The following INTS10 variants were observed in gnomAD, a reference collection of about 807,000 sequenced individuals.
The protein encoded by INTS10 is chromosome 8 open reading frame 35.
Under a neutral mutation model 94.4 loss-of-function variants are expected in INTS10, and 44 were observed. The ratio of observed to expected loss-of-function variants is 0.47; its 90% CI spans 0.37 to 0.60. The LOEUF (loss-of-function observed/expected upper bound fraction) is 0.60. Ranked by LOEUF, INTS10 falls within the 20% of genes least tolerant of loss-of-function variation. INTS10 has a pLI of 0.00. For synonymous variants in INTS10, 341 were observed against 320.7 expected, an observed-to-expected ratio of 1.06 and a Z score of -0.68; for missense variants, 797 against 868.7, an observed-to-expected ratio of 0.92 and a Z score of 1.04.
rs772740290 is a variant in INTS10, at chr8:19,818,349, G to T, written c.197+7G>T. Reference sequence around the variant, plus strand: ...GGAGGCTGCTGTACGACATGTGAGTGGGACGCTTGACATCACTTTTACTGC... The same window carrying T: ...GGAGGCTGCTGTACGACATGTGAGTTGGACGCTTGACATCACTTTTACTGC... On this transcript the variant is annotated splice_region_variant and intron_variant, in intron 2 of 16. Transcript: ENST00000397977. 12 of 1,613,902 alleles carry T rather than the reference G, an allele frequency of 7.4e-6. No homozygotes were observed. The South Asian group carries it at 1.3e-4, about 18-fold the overall frequency.
chr8:19,823,342 C>G lies in INTS10; in HGVS notation c.565C>G (p.Arg189Gly). 6.2e-7 allele frequency: 1 copy of G among 1,605,016 alleles called. No homozygotes were observed. Among genetic ancestry groups the G allele is most frequent in the Non-Finnish European group, 8.5e-7 (1 of 1,171,860 alleles). Residue 189 changes from arginine to glycine, a missense_variant, in exon 6 of 17, where the codon CGA (arginine) becomes GGA (glycine). Arg to Gly is a moderately radical substitution (Grantham distance 125, BLOSUM62 -2). Coordinates refer to ENST00000397977, the MANE Select transcript of INTS10 (RefSeq NM_018142.4). ...TCTAATAATTAACAACCATGATGTTCGATTACCTGCCAATTTATTGTATAA... is the reference window on the plus strand; with the variant it reads ...TCTAATAATTAACAACCATGATGTTGGATTACCTGCCAATTTATTGTATAA... ...LPLIINNHDVRLPANLLYKYL... is the reference protein window; with the variant it reads ...LPLIINNHDVGLPANLLYKYL...
chr8:19,833,341 A>G lies in INTS10; in HGVS notation c.1530+20A>G. The G allele has an allele frequency of 6.6e-7, 1 of 1,516,770 alleles. No homozygotes were observed. Among genetic ancestry groups the G allele is most frequent in the South Asian group, 1.3e-5 (1 of 78,678 alleles). The allele number at this position is 1,516,770 out of a possible 1,614,324, so 94.0% of individuals were successfully genotyped here. On this transcript the variant is annotated intron_variant, in intron 12 of 16. Transcript: ENST00000397977. ...TACAGAGTGAGTACTGCACACATAC[A>G]TGCCTGCCGCAGGTGCACGGGGCCA...
Position 19,820,733 on chromosome 8 carries a change from C to T in INTS10, c.441+215C>T, listed in dbSNP as rs1431656166. Among the ~76,000 whole-genome samples the T allele has an allele frequency of 7.2e-5, 11 of 152,336 alleles. 1 individual carries two copies. Among genetic ancestry groups the T allele is most frequent in the Admixed American group, 2.0e-4 (3 of 15,306 alleles). ...AGAAGCTGTTTTATCAGGAAAATCACCAAGCTCTGACAGTACTGTTTATTG... is the reference window on the plus strand; with the variant it reads ...AGAAGCTGTTTTATCAGGAAAATCATCAAGCTCTGACAGTACTGTTTATTG... On this transcript the variant is annotated intron_variant, in intron 4 of 16. Transcript: ENST00000397977.
intron 8 of INTS10, among the ~76,000 whole-genome samples, chr8:19,826,175 G>C (rs1415721278): frequency 2.0e-5 from 3 of 152,158 alleles, no homozygotes; most frequent in African/African-American, 7.2e-5. Flanking sequence ...CGCCTCCTGG[G>C]TTCAAGCAAT....
At position 19,829,928 on chromosome 8, in the gene INTS10, G is replaced by A. The variant is rs529389627; in HGVS notation, c.1141-478G>A. Among the ~76,000 whole-genome samples, 6 of 152,202 alleles carry A rather than the reference G, an allele frequency of 3.9e-5. No individual in the cohort carries two copies. The South Asian group carries it at 6.2e-4, about 16-fold the overall frequency. On this transcript the variant is annotated intron_variant, in intron 9 of 16. Transcript: ENST00000397977. ...AGTGATCTGTCCTCCTCGGCCTCCC[G>A]AAGTGCTGGGAATATAGGCATAAGC... is the stretch of plus-strand genomic sequence containing the variant.
chr8:19,827,487 C>T lies in INTS10; in HGVS notation c.1140+928C>T, dbSNP rs146173667. Among the ~76,000 whole-genome samples the T allele has an allele frequency of 2.0e-4, 31 of 152,276 alleles. No individual in the cohort carries two copies. In the East Asian group the frequency reaches 3.3e-3, roughly 16 times the overall value. ...CCCTCCTTCACTAGAGTACAAGCTC[C>T]GTGGGGCCTAGCATTTTCTCTGCCT... is the stretch of plus-strand genomic sequence containing the variant. On this transcript the variant is annotated intron_variant, in intron 9 of 16. Coordinates refer to ENST00000397977, the MANE Select transcript of INTS10 (RefSeq NM_018142.4).
In INTS10 at chr8:19,843,323, G is replaced by T. The variant is rs528684651; in HGVS notation, c.1719+396G>T. Among the ~76,000 whole-genome samples, 114 of 152,308 alleles carry T rather than the reference G, an allele frequency of 7.5e-4. No individual in the cohort carries two copies. The highest frequency in any genetic ancestry group is 2.4e-3 in the African/African-American group (100 of 41,576). ...CTAGATTAAGCATGTTAGGTGTTGA[G>T]ATCAACACCAGTAACAGCCCAACAG... On this transcript the variant is annotated intron_variant, in intron 14 of 16. Coordinates refer to ENST00000397977, the MANE Select transcript of INTS10 (RefSeq NM_018142.4). This position sits in a 1 kb window ranked among gnomAD's most constrained non-coding sequence, Gnocchi z 4.7.
intron 4 of INTS10, 34 bp from the exon 5 acceptor site, chr8:19,822,405 A>G (rs764748985): frequency 7.7e-7 from 1 of 1,302,028 alleles, no homozygotes. Context: ...TTATGCTGTA[A>G]CACATTTAAA....
At chr8:19,842,277 A>C (rs1208424410) in intron 13 of INTS10, among the ~76,000 whole-genome samples, 1 of 152,226 alleles carries the variant, frequency 6.6e-6, no homozygotes, top group African/African-American at 2.4e-5. Context: ...AATCTGAACC[A>C]CATGAAGTTG....
intron 16 of INTS10, among the ~76,000 whole-genome samples, chr8:19,848,564 T>C (rs1431911988): frequency 6.6e-6 from 1 of 152,226 alleles, no homozygotes; most frequent in East Asian, 1.9e-4. Flanking sequence ...ACTAAATCTT[T>C]GTTGTTACAG....
chr8:19,845,723 A>G lies in INTS10; in HGVS notation c.1902A>G (p.Glu634=). 1.2e-6 allele frequency: 2 copies of G among 1,613,484 alleles called. No homozygotes were observed. Among genetic ancestry groups the G allele is most frequent in the Non-Finnish European group, 1.7e-6 (2 of 1,179,430 alleles). Residue 634 remains glutamate (E), a synonymous_variant, in exon 16 of 17, where the codon GAA becomes GAG. Coordinates refer to ENST00000397977, the MANE Select transcript of INTS10 (RefSeq NM_018142.4). ...CTGCAGATATTGATATGCTGGAGGA[A>G]TTTGCCTACTTGAGAACTCAGGAAG... ...NYVTNIDMLE[E]FAYLRTQEGG...
At position 19,842,782 on chromosome 8, in the gene INTS10, T is replaced by C. The variant is rs2068234332; in HGVS notation, c.1640-66T>C. 89 of 991,728 alleles carry C rather than the reference T, an allele frequency of 9.0e-5. 2 individuals are homozygous for C. The South Asian group carries it at 1.1e-3, about 12-fold the overall frequency. 61.4% of individuals were successfully genotyped at this position (991,728 alleles called of 1,614,324 possible). A position where few individuals can be genotyped will look rare whatever the true frequency, so the allele number is the denominator to read the frequency against. ...TTGTTAATGAAAGCATCTTAAACAGTTGCCTTTCAAAGCTGTTATCTTTGA... is the reference window on the plus strand; with the variant it reads ...TTGTTAATGAAAGCATCTTAAACAGCTGCCTTTCAAAGCTGTTATCTTTGA... On this transcript the variant is annotated intron_variant, in intron 13 of 16. Coordinates refer to ENST00000397977, the MANE Select transcript of INTS10 (RefSeq NM_018142.4).
intron 7 of INTS10, chr8:19,824,561 T>G (rs1373689871): frequency 4.9e-6 from 2 of 407,896 alleles, no homozygotes; most frequent in Non-Finnish European, 8.6e-6. Context: ...ATGTTGTGTT[T>G]GAACGTCTCC....
In INTS10 at chr8:19,820,423, C is replaced by T. The variant is rs745542064; in HGVS notation, c.346C>T (p.Leu116=). The T allele has an allele frequency of 5.0e-6, 8 of 1,613,390 alleles. No individual in the cohort carries two copies. The highest frequency in any genetic ancestry group is 6.8e-6 in the Non-Finnish European group (8 of 1,179,386). ...TGGTCGGGTCCAGTGTGAAATGTTA[C>T]TAAAGGTCACGGAACAATGCTTCAA... The part of the protein sequence containing the change: ...LPGRVQCEML[L]KVTEQCFNTL... The change falls in exon 4 of 17, where the codon CTA becomes TTA. Residue 116 remains leucine, a synonymous_variant. Transcript: ENST00000397977.
At chr8:19,841,641 T>G (rs536940937) in intron 13 of INTS10, among the ~76,000 whole-genome samples, 27 of 152,238 alleles carry the variant, frequency 1.8e-4, no homozygotes, top group Non-Finnish European at 3.4e-4. Flanking sequence ...ATGCAAAAAT[T>G]GAAGAGGATG....
intron 9 of INTS10, 152 bp downstream of exon 9, chr8:19,826,711 C>T (rs947653000): frequency 1.7e-5 from 13 of 762,134 alleles, no homozygotes; most frequent in Non-Finnish European, 2.2e-5. Context: ...TGGTTCTCCA[C>T]TGGAGGTGAT....
intron 2 of INTS10, chr8:19,818,641 G>A (rs1380225131): frequency 1.3e-5 from 5 of 390,550 alleles, no homozygotes; most frequent in Non-Finnish European, 1.9e-5. Context: ...AGAACAAAAA[G>A]TGAAAGTGCA....
rs947374401 is a variant in INTS10 at position 19,847,000 on chromosome 8, A to T, written c.1976+1203A>T. Among the ~76,000 whole-genome samples the T allele has an allele frequency of 3.9e-5, 6 of 152,218 alleles. No homozygotes were observed. Among genetic ancestry groups the T allele is most frequent in the Non-Finnish European group, 8.8e-5 (6 of 68,036 alleles). On this transcript the variant is annotated intron_variant, in intron 16 of 16. Transcript: ENST00000397977. The surrounding 1 kb of genome is among the most constrained non-coding windows in gnomAD (Gnocchi z 4.2). ...AATAAACTAGTTTTCAGTGGTTGAA[A>T]GCAAAAATCCACATCTTGTTCTATC...
rs1271929231 is a variant in INTS10, at chr8:19,851,686, AAGG to A, written c.2019_2021del (p.Glu673del). 2.5e-6 allele frequency: 4 copies of A among 1,614,186 alleles called. No individual in the cohort carries two copies. The highest frequency in any genetic ancestry group is 1.7e-6 in the Non-Finnish European group (2 of 1,180,032). ...AACTCGAGGCATCACCAAAGGCGTG[AAGG>A]AGGACTTTCGCCTGGCCATGGAGCG... On this transcript the variant is annotated inframe_deletion, in exon 17 of 17. Transcript: ENST00000397977. The surrounding 1 kb of genome is among the most constrained non-coding windows in gnomAD (Gnocchi z 5.0).
Sources: gnomAD v4.1 joint callset for allele counts (sites outside exome capture counted in the v4.1 genomes callset) on GRCh38, gnomAD v4.1.1 for gene constraint, Gnocchi (gnomAD v3.1) non-coding constraint, MANE v1.5 for transcripts, NCBI Gene and HGNC (gene_info 2026-07-23, HGNC 2026-07-21) for gene names.